The following CNGB3 variants were observed in gnomAD, a reference collection of about 807,000 sequenced individuals.
CNGB3 encodes cyclic nucleotide gated channel subunit beta 3.
In CNGB3, 86 loss-of-function variants were observed where a neutral mutation model predicts 92.8. That is an observed-to-expected ratio of 0.93 (90% CI 0.78 to 1.11). CNGB3 has a LOEUF of 1.11. Among genes scored for constraint, CNGB3 ranks in the 50% least tolerant of loss-of-function variants. The pLI, the probability that CNGB3 is intolerant of heterozygous loss-of-function variation, is 0.00. For synonymous variants in CNGB3, 333 were observed against 332.7 expected, an observed-to-expected ratio of 1.00 and a Z score of -0.01; for missense variants, 1,026 against 956.8, an observed-to-expected ratio of 1.07 and a Z score of -0.95.
intron 6 of CNGB3, among the ~76,000 whole-genome samples, chr8:86,656,934 C>G (rs1192726183): frequency 6.6e-6 from 1 of 152,104 alleles, no homozygotes; most frequent in Non-Finnish European, 1.5e-5. Flanking sequence ...AGGGGGTGGC[C>G]CTACCCTGGA....
chr8:86,580,732 A>C (rs898378926), intron 15 of CNGB3, among the ~76,000 whole-genome samples: 11 of 152,240 alleles, frequency 7.2e-5, no homozygotes, highest in Non-Finnish European at 1.6e-4. Flanking sequence ...TCTGAGAAGG[A>C]AGGATTGGTT....
intron 2 of CNGB3, 123 bp from the exon 3 acceptor site, chr8:86,726,780 C>T: frequency 9.2e-7 from 1 of 1,086,798 alleles, no homozygotes; most frequent in South Asian, 1.3e-5. Flanking sequence ...GAACACCTCC[C>T]CTGGGACTTC....
intron 10 of CNGB3, among the ~76,000 whole-genome samples, chr8:86,639,642 C>T (rs1261718773): frequency 1.3e-5 from 2 of 151,954 alleles, no homozygotes; most frequent in Non-Finnish European, 2.9e-5. Flanking sequence ...ATTGCAAAAA[C>T]TTGGCTTACA....
At chr8:86,668,585 G>A (rs1475166236) in intron 4 of CNGB3, among the ~76,000 whole-genome samples, 1 of 151,728 alleles carries the variant, frequency 6.6e-6, no homozygotes, top group Admixed American at 6.6e-5. Context: ...ATTTAAAATA[G>A]TGACATTTAT....
At chr8:86,587,519 G>A (rs1177134648) in intron 15 of CNGB3, among the ~76,000 whole-genome samples, 11 of 152,118 alleles carry the variant, frequency 7.2e-5, no homozygotes, top group Non-Finnish European at 1.5e-4. Flanking sequence ...TTTATATAAG[G>A]TGTAAGGAAG....
At chr8:86,649,153 C>T (rs893106736) in intron 7 of CNGB3, among the ~76,000 whole-genome samples, 4 of 151,484 alleles carry the variant, frequency 2.6e-5, no homozygotes, top group Admixed American at 1.3e-4. Flanking sequence ...CAAAACACTG[C>T]TGAGAGAAAT....
At chr8:86,616,020 G>A (rs7838516) in intron 13 of CNGB3, among the ~76,000 whole-genome samples, 51,015 of 152,012 alleles carry the variant, frequency 0.34, 9,819 homozygotes, top group African/African-American at 0.53. Flanking sequence ...AGTGAAGGAA[G>A]TCGGATCAAT....
intron 1 of CNGB3, among the ~76,000 whole-genome samples, chr8:86,742,099 T>G (rs186370254): frequency 6.6e-6 from 1 of 152,318 alleles, no homozygotes; most frequent in Admixed American, 6.5e-5. Context: ...GCTTAGCACC[T>G]TGCTTGGCAA....
intron 15 of CNGB3, chr8:86,594,105 C>T (rs1444496441): frequency 3.3e-6 from 1 of 307,580 alleles, no homozygotes; most frequent in Non-Finnish European, 6.5e-6. Flanking sequence ...CGGGATTGTC[C>T]TGAAAAGTGG....
Position 86,579,932 on chromosome 8 carries a change from C to T in CNGB3, c.1782-680G>A, listed in dbSNP as rs375837402. Among the ~76,000 whole-genome samples, 3 of 152,220 alleles carry T rather than the reference C, an allele frequency of 2.0e-5. No individual in the cohort carries two copies. The East Asian group carries it at 5.8e-4, about 29-fold the overall frequency. On this transcript the variant is annotated intron_variant, in intron 15 of 17. Transcript: ENST00000320005. Reference sequence around the variant, plus strand: ...TGCTAAATTTGAGATGCATTGCCACCTTTTGTTGGTGTAGTAGTCCATTTT... The same window carrying T: ...TGCTAAATTTGAGATGCATTGCCACTTTTTGTTGGTGTAGTAGTCCATTTT...
At chr8:86,635,947 G>A (rs1160719506) in intron 10 of CNGB3, among the ~76,000 whole-genome samples, 1 of 147,722 alleles carries the variant, frequency 6.8e-6, no homozygotes, top group Admixed American at 6.9e-5. Context: ...TATGAAAATA[G>A]AAAGCCTTTC....
Position 86,622,353 on chromosome 8 carries a change from A to T in CNGB3, c.1578+3630T>A, listed in dbSNP as rs117294185. 2.9e-4 allele frequency among the ~76,000 whole-genome samples: 41 copies of T among 143,246 alleles called. No homozygotes were observed. In the East Asian group the frequency reaches 7.1e-3, roughly 25 times the overall value. 94.0% of individuals were successfully genotyped at this position (143,246 alleles called of 152,430 possible). A position where few individuals can be genotyped will look rare whatever the true frequency, so the allele number is the denominator to read the frequency against. Reference sequence around the variant, plus strand: ...AACTAAACATCCTCAGCATCTACACATTTTCTTTTGGGGCCATTCTTCTTT... The same window carrying T: ...AACTAAACATCCTCAGCATCTACACTTTTTCTTTTGGGGCCATTCTTCTTT... On this transcript the variant is annotated intron_variant, in intron 13 of 17. Coordinates refer to ENST00000320005, the MANE Select transcript of CNGB3 (RefSeq NM_019098.5).
At chr8:86,726,743 G>A (rs1210032505) in intron 2 of CNGB3, 86 bp from the exon 3 acceptor site, 4 of 1,499,278 alleles carry the variant, frequency 2.7e-6, no homozygotes, top group East Asian at 4.5e-5. Context: ...CAAAGATGCT[G>A]CTTGTTTTTT....
chr8:86,676,701 C>T (rs1159245441), intron 3 of CNGB3, among the ~76,000 whole-genome samples: 1 of 152,040 alleles, frequency 6.6e-6, no homozygotes, highest in Non-Finnish European at 1.5e-5. Flanking sequence ...CATTTGTGTC[C>T]ACCTGGAACC....
rs375708263 is a variant in CNGB3, at chr8:86,723,388, G to C, written c.338+3143C>G. On this transcript the variant is annotated intron_variant, in intron 3 of 17. Transcript: ENST00000320005. Reference sequence around the variant, plus strand: ...ATACTTAATTTTTTTCTAGGAGAAAGAGCTTTTTAAAACCTGACCTTGCCC... The same window carrying C: ...ATACTTAATTTTTTTCTAGGAGAAACAGCTTTTTAAAACCTGACCTTGCCC... 2.0e-5 allele frequency among the ~76,000 whole-genome samples: 3 copies of C among 152,234 alleles called. 1 individual carries two copies.
chr8:86,643,922 A>G (rs1585988629), intron 9 of CNGB3, 49 bp from the exon 10 acceptor site: 1 of 1,586,788 alleles, frequency 6.3e-7, no homozygotes, highest in East Asian at 2.3e-5. Context: ...TTTCTGAAAT[A>G]CAGCCTATTT....
At chr8:86,649,616 A>T (rs182820403) in intron 7 of CNGB3, among the ~76,000 whole-genome samples, 142 of 151,772 alleles carry the variant, frequency 9.4e-4, no homozygotes, top group African/African-American at 3.2e-3. Flanking sequence ...GTGAAACTAG[A>T]TCCCTATCTC....
intron 2 of CNGB3, among the ~76,000 whole-genome samples, chr8:86,735,421 C>A (rs978655466): frequency 6.6e-6 from 1 of 152,016 alleles, no homozygotes; most frequent in Admixed American, 6.6e-5. Flanking sequence ...TTATAGTTTT[C>A]CATTGCTGCT....
At position 86,739,620 on chromosome 8, in the gene CNGB3, G is replaced by GT. The variant is rs78198409; in HGVS notation, c.211+34dup. The GT allele has an allele frequency of 0.13, 181,146 of 1,433,186 alleles. 280 individuals are homozygous for GT. Among genetic ancestry groups the GT allele is most frequent in the South Asian group, 0.14 (10,899 of 76,254 alleles). 88.8% of individuals were successfully genotyped at this position (1,433,186 alleles called of 1,614,324 possible). On this transcript the variant is annotated intron_variant, in intron 2 of 17. Coordinates refer to ENST00000320005, the MANE Select transcript of CNGB3 (RefSeq NM_019098.5). ...AGATACATATGTATTTCACTTTTTA[G>GT]TTTTTTTTTTTTTTTTTTCAGACTG...
Sources: allele counts gnomAD v4.1 joint callset (sites outside exome capture counted in the v4.1 genomes callset), GRCh38; gene constraint gnomAD v4.1.1; transcripts MANE v1.5; gene names NCBI Gene and HGNC (gene_info 2026-07-23, HGNC 2026-07-21).